KIF13B: variants seen among roughly 807,000 people sequenced by gnomAD.
The protein encoded by KIF13B is kinesin family member 13B.
A neutral mutation model predicts 222.0 loss-of-function variants in KIF13B; 127 were observed. That is an observed-to-expected ratio of 0.57 (90% CI 0.50 to 0.66). The LOEUF (loss-of-function observed/expected upper bound fraction) is 0.66. KIF13B is among the 30% of genes least tolerant of loss of function. KIF13B has a pLI of 0.00. For missense variants in KIF13B, 2,173 were observed against 2,379.0 expected, an observed-to-expected ratio of 0.91 and a Z score of 1.80; for synonymous variants, 976 against 919.0, an observed-to-expected ratio of 1.06 and a Z score of -1.12.
At chr8:29,197,808 A>T (rs888928579) in intron 2 of KIF13B, among the ~76,000 whole-genome samples, 9 of 152,240 alleles carry the variant, frequency 5.9e-5, no homozygotes, top group Non-Finnish European at 1.0e-4. Flanking sequence ...GCTTTTCTAA[A>T]CTTCCTAAAA....
rs1037418485 is a variant in KIF13B at position 29,068,885 on chromosome 8, G to C, written c.*1619C>G. ...CAGGGTTCCCTCAAAATCGGCTAAGGACAGGGAGAGCCCTGGAGGAGTGCC... is the reference window on the plus strand; with the variant it reads ...CAGGGTTCCCTCAAAATCGGCTAAGCACAGGGAGAGCCCTGGAGGAGTGCC... On this transcript the variant is annotated 3_prime_UTR_variant, in exon 40 of 40. Transcript: ENST00000524189. This position sits in a 1 kb window ranked among gnomAD's most constrained non-coding sequence, Gnocchi z 4.4. 2 of 152,316 alleles carry C rather than the reference G, an allele frequency of 1.3e-5. No individual in the cohort carries two copies. The allele number at this position is 152,316 out of a possible 1,614,324, so 9.4% of individuals were successfully genotyped here. A position where few individuals can be genotyped will look rare whatever the true frequency, so the allele number is the denominator to read the frequency against.
chr8:29,230,612 G>C (rs931932797), intron 2 of KIF13B, among the ~76,000 whole-genome samples: 1 of 152,274 alleles, frequency 6.6e-6, no homozygotes, highest in East Asian at 1.9e-4. Flanking sequence ...CCCAGGCAAG[G>C]AGGGAAGGGA....
Position 29,123,419 on chromosome 8 carries a change from G to C in KIF13B, c.3426C>G (p.Asn1142Lys). The change falls in exon 28 of 40, where the codon AAC becomes AAG. Residue 1142 changes from asparagine (N) to lysine (K), a missense_variant. By Grantham distance (94) the Asn-to-Lys change is moderately conservative (BLOSUM62 0). Around this residue, in one of 2 missense-constraint regions of KIF13B, gnomAD observed 1,480 missense variants for 1,722.8 expected, o/e 0.86. Transcript: ENST00000524189. ...TGCCAGCAGAGGGGACCATCACCGC[G>C]TTCCTCTCCTCAGTTAGGGTCAACC... is the stretch of plus-strand genomic sequence containing the variant. Reference protein sequence around the residue: ...EMRLTLTEERNAVMVPSAGSG... With the variant: ...EMRLTLTEERKAVMVPSAGSG... 6.2e-7 allele frequency: 1 copy of C among 1,614,038 alleles called. No homozygotes were observed. Among genetic ancestry groups the C allele is most frequent in the Admixed American group, 1.7e-5 (1 of 60,026 alleles).
chr8:29,196,896 C>G (rs1436316477), intron 2 of KIF13B, among the ~76,000 whole-genome samples: 1 of 152,088 alleles, frequency 6.6e-6, no homozygotes, highest in African/African-American at 2.4e-5. Context: ...AATTCTGGAG[C>G]ATTTTGGATT....
intron 1 of KIF13B, among the ~76,000 whole-genome samples, chr8:29,246,031 GT>G (rs1816004426): frequency 6.6e-6 from 1 of 152,172 alleles, no homozygotes; most frequent in Admixed American, 6.5e-5. Flanking sequence ...TTAAAGACGT[GT>G]GGGGGATATC....
intron 10 of KIF13B, among the ~76,000 whole-genome samples, chr8:29,172,996 C>A (rs1812314616): frequency 6.6e-6 from 1 of 151,522 alleles, no homozygotes; most frequent in Non-Finnish European, 1.5e-5. Flanking sequence ...CTCACTGCAA[C>A]CTCCGACTCC....
chr8:29,217,325 G>A (rs74888595), intron 2 of KIF13B, among the ~76,000 whole-genome samples: 13,664 of 152,260 alleles, frequency 0.09, 864 homozygotes, highest in Non-Finnish European at 0.13. Flanking sequence ...TGAGACAGAG[G>A]AAAACACAGT....
chr8:29,219,058 T>A (rs561090061), intron 2 of KIF13B: 2 of 152,338 alleles, frequency 1.3e-5, no homozygotes, highest in East Asian at 3.9e-4. Flanking sequence ...TCTGCAGACA[T>A]GGCAAAGGCA....
intron 1 of KIF13B, among the ~76,000 whole-genome samples, chr8:29,246,456 A>G (rs1007758222): frequency 6.6e-6 from 1 of 152,080 alleles, no homozygotes; most frequent in African/African-American, 2.4e-5. Flanking sequence ...AAAACTTTTT[A>G]AAGAAATTAA....
At chr8:29,140,857 C>G in intron 19 of KIF13B, 1 of 378,384 alleles carries the variant, frequency 2.6e-6, no homozygotes, top group Non-Finnish European at 4.7e-6. Context: ...CATGACAGAG[C>G]GATCCCAGTA....
intron 2 of KIF13B, among the ~76,000 whole-genome samples, chr8:29,200,418 C>G (rs532394794): frequency 2.0e-5 from 3 of 152,288 alleles, no homozygotes; most frequent in Admixed American, 6.5e-5. Context: ...AGCACTAAAG[C>G]TGTAATTTCT....
chr8:29,165,204 C>A lies in KIF13B; in HGVS notation c.1269+458G>T, dbSNP rs564857464. On this transcript the variant is annotated intron_variant, in intron 12 of 39. Transcript: ENST00000524189. The stretch of plus-strand genomic sequence containing the variant: ...ACTAGAAAATGGTGAGAGACAGTCA[C>A]CTCAGATTTAGGAATTTCATCTTAC... 1.8e-4 allele frequency among the ~76,000 whole-genome samples: 27 copies of A among 152,270 alleles called. No homozygotes were observed. In the South Asian group the frequency reaches 5.6e-3, roughly 32 times the overall value.
Position 29,092,789 on chromosome 8 carries a change from G to C in KIF13B, c.4414C>G (p.Arg1472Gly), listed in dbSNP as rs776750868. The C allele has an allele frequency of 1.9e-6, 3 of 1,613,382 alleles. No homozygotes were observed. Among genetic ancestry groups the C allele is most frequent in the African/African-American group, 1.3e-5 (1 of 74,978 alleles). Residue 1472 changes from arginine to glycine, a missense_variant, in exon 37 of 40, where the codon CGC becomes GGC. Around this residue, in one of 2 missense-constraint regions of KIF13B, gnomAD observed 693 missense variants for 656.2 expected, o/e 1.06. Coordinates refer to ENST00000524189, the MANE Select transcript of KIF13B (RefSeq NM_015254.4). ...GGCCGCTTGCCCCTCTTCTCATCGC[G>C]GACGGGAAAGAGAGACTTGAGGAGC... ...PKLLKSLFPV[R>G]DEKRGKRPSP...
At chr8:29,084,279 T>A (rs1194240290) in intron 37 of KIF13B, among the ~76,000 whole-genome samples, 1 of 152,232 alleles carries the variant, frequency 6.6e-6, no homozygotes, top group Non-Finnish European at 1.5e-5. Context: ...CGTGTTTATA[T>A]AATTCATTTA....
chr8:29,097,305 T>C lies in KIF13B; in HGVS notation c.4324+1828A>G, dbSNP rs568274234. ...TTATATCAGGAAGATATAACAATCTTAAATAATTAGAAGCTAATTATCAGA... is the reference window on the plus strand; with the variant it reads ...TTATATCAGGAAGATATAACAATCTCAAATAATTAGAAGCTAATTATCAGA... On this transcript the variant is annotated intron_variant, in intron 36 of 39. Coordinates refer to ENST00000524189, the MANE Select transcript of KIF13B (RefSeq NM_015254.4). 4.5e-4 allele frequency among the ~76,000 whole-genome samples: 66 copies of C among 146,022 alleles called. 2 individuals are homozygous for C. The highest frequency in any genetic ancestry group is 1.5e-3 in the African/African-American group (59 of 40,660).
chr8:29,188,640 T>C (rs1256590345), intron 4 of KIF13B, 33 bp from the exon 5 acceptor site: 1 of 1,432,588 alleles, frequency 7.0e-7, no homozygotes, highest in African/African-American at 1.4e-5. Context: ...AAAGATATTT[T>C]AAGCCAAAAC....
chr8:29,114,165 G>C (rs1049072198), intron 31 of KIF13B, among the ~76,000 whole-genome samples: 6 of 152,276 alleles, frequency 3.9e-5, no homozygotes, highest in African/African-American at 1.2e-4. Context: ...GAAGAGAGCA[G>C]GGATGAGAGC....
At chr8:29,259,534 C>T (rs1335033896) in intron 1 of KIF13B, among the ~76,000 whole-genome samples, 1 of 152,184 alleles carries the variant, frequency 6.6e-6, no homozygotes, top group Non-Finnish European at 1.5e-5. Context: ...AAGATCTCAT[C>T]CTATCTAATA....
chr8:29,091,263 C>A (rs1298998436), intron 37 of KIF13B, among the ~76,000 whole-genome samples: 1 of 152,130 alleles, frequency 6.6e-6, no homozygotes, highest in Admixed American at 6.5e-5. Flanking sequence ...TCACTCGTTG[C>A]CAAAACAGTA....
Sources: allele counts gnomAD v4.1 joint callset (sites outside exome capture counted in the v4.1 genomes callset), GRCh38; gene constraint gnomAD v4.1.1; regional missense constraint gnomAD v4.1.1; non-coding constraint Gnocchi (gnomAD v3.1); transcripts MANE v1.5; gene names NCBI Gene and HGNC (gene_info 2026-07-23, HGNC 2026-07-21).